The following RBM39 variants were observed in gnomAD, a reference collection of about 807,000 sequenced individuals.
The protein encoded by RBM39 is RNA-binding protein 39.
In RBM39, 12 loss-of-function variants were observed where a neutral mutation model predicts 79.6. The ratio of observed to expected loss-of-function variants is 0.15; its 90% CI spans 0.10 to 0.24. The LOEUF is 0.24. Ranked by LOEUF, RBM39 falls within the 10% of genes least tolerant of loss-of-function variation. The pLI is 1.00. For missense variants in RBM39, 243 were observed against 653.4 expected (o/e 0.37, Z 6.85); for synonymous variants, 185 against 208.4 (o/e 0.89, Z 0.97).
Position 35,725,117 on chromosome 20 carries a change from G to C in RBM39, c.455C>G (p.Ala152Gly). 1 of 1,611,074 alleles carries C rather than the reference G, an allele frequency of 6.2e-7. No homozygotes were observed. The highest frequency in any genetic ancestry group is 1.3e-5 in the African/African-American group (1 of 74,950). Residue 152 changes from alanine (A) to glycine (G), a missense_variant, in exon 7 of 17, where the codon GCA becomes GGA. By Grantham distance (60) the Ala-to-Gly change is moderately conservative (BLOSUM62 0). Coordinates refer to ENST00000253363, the MANE Select transcript of RBM39 (RefSeq NM_184234.3). ...IDNLTPEERD[A>G]RTVFCMQLAA... ...CAGCTGCATACAGAAGACTGTCCTT[G>C]CATCTCTTTCCTCAGGAGTTAAATT...
At chr20:35,706,124 A>G (rs1424313863) in intron 14 of RBM39, among the ~76,000 whole-genome samples, 1 of 152,204 alleles carries the variant, frequency 6.6e-6, no homozygotes, top group Non-Finnish European at 1.5e-5. Flanking sequence ...AGATCACTTA[A>G]GGTCAGGAGT....
intron 4 of RBM39, 75 bp from the exon 5 acceptor site, chr20:35,729,602 C>A (rs949113586): frequency 9.2e-6 from 12 of 1,304,170 alleles, no homozygotes; most frequent in Non-Finnish European, 1.3e-5. Flanking sequence ...CGCTCTCCAG[C>A]AAGACTAACA....
chr20:35,741,264 C>G (rs1033955645), intron 1 of RBM39, among the ~76,000 whole-genome samples: 5 of 151,532 alleles, frequency 3.3e-5, no homozygotes, highest in Non-Finnish European at 7.4e-5. Context: ...GAACTCCTAA[C>G]CTCAAGTGAT....
intron 3 of RBM39, among the ~76,000 whole-genome samples, chr20:35,733,815 C>T (rs940497200): frequency 1.3e-5 from 2 of 152,122 alleles, no homozygotes; most frequent in Non-Finnish European, 1.5e-5. Context: ...TTTAAAATCT[C>T]TAACTAAAAA....
At position 35,713,056 on chromosome 20, in the gene RBM39, T is replaced by A. The variant is rs1355954032; in HGVS notation, c.1137A>T (p.Leu379=). 6.2e-7 allele frequency: 1 copy of A among 1,613,794 alleles called. No individual in the cohort carries two copies. The highest frequency in any genetic ancestry group is 8.5e-7 in the Non-Finnish European group (1 of 1,179,834). The change falls in exon 12 of 17, where the codon CTA becomes CTT. Residue 379 remains leucine, a synonymous_variant. Transcript: ENST00000253363. ...LQIPPAAQQA[L]QMSGSLAFGA... ...CAAATGCCAAAGAGCCACTCATCTG[T>A]AGAGCTTGCTGTGCTGCTGGCGGAA...
chr20:35,705,191 A>G (rs1300710634), intron 15 of RBM39, 34 bp downstream of exon 15: 1 of 1,271,240 alleles, frequency 7.9e-7, no homozygotes, highest in Non-Finnish European at 1.1e-6. Flanking sequence ...GAGACGAACA[A>G]CCTAACATCA....
intron 6 of RBM39, among the ~76,000 whole-genome samples, chr20:35,729,076 AAAATAAATAAATAAAT>A (rs11470400): frequency 6.7e-6 from 1 of 150,022 alleles, no homozygotes; most frequent in Non-Finnish European, 1.5e-5. Context: ...ACTCCGTCTC[AAAATAAATAAATAAAT>A]AAATAAATAA....
rs370964431 is a variant in RBM39 at position 35,701,874 on chromosome 20, C to T, written c.*2607G>A. The T allele has an allele frequency of 6.6e-6, 1 of 151,806 alleles. No individual in the cohort carries two copies. Among genetic ancestry groups the T allele is most frequent in the Admixed American group, 6.6e-5 (1 of 15,262 alleles). The allele number at this position is 151,806 out of a possible 1,614,324, so 9.4% of individuals were successfully genotyped here. ...GCCTCCCAGTGTTCACATATACAGG[C>T]ATAAGGCACCACGTCCAGCCCGAGG... On this transcript the variant is annotated 3_prime_UTR_variant, in exon 17 of 17. Transcript: ENST00000253363.
intron 3 of RBM39, among the ~76,000 whole-genome samples, chr20:35,737,272 C>T (rs1397746426): frequency 6.6e-6 from 1 of 151,970 alleles, no homozygotes; most frequent in East Asian, 2.0e-4. Context: ...CACCTGTAAT[C>T]CCAGCTGCTC....
In RBM39 at chr20:35,714,259, C is replaced by T; in HGVS notation, c.1022G>A (p.Ser341Asn). The change falls in exon 11 of 17, where the codon AGT (serine) becomes AAT (asparagine). Residue 341 changes from serine (S) to asparagine (N), a missense_variant. By Grantham distance (46) the Ser-to-Asn change is conservative (BLOSUM62 1). Around this residue, in one of 4 missense-constraint regions of RBM39, gnomAD observed 61 missense variants for 322.9 expected, o/e 0.19. Coordinates refer to ENST00000253363, the MANE Select transcript of RBM39 (RefSeq NM_184234.3). ...AATTCCAGTCCTTTCCAGTTCATCA[C>T]TGTCCAAAAATGAACTAGCACTCGA... ...DASSASSFLDSDELERTGIDL... is the reference protein window; with the variant it reads ...DASSASSFLDNDELERTGIDL... The T allele has an allele frequency of 6.2e-7, 1 of 1,614,060 alleles. No homozygotes were observed. The highest frequency in any genetic ancestry group is 8.5e-7 in the Non-Finnish European group (1 of 1,179,964).
At chr20:35,732,413 G>A (rs566645667) in intron 3 of RBM39, 10 of 406,800 alleles carry the variant, frequency 2.5e-5, no homozygotes, top group East Asian at 1.5e-4. Context: ...AAAATTAGCC[G>A]GGCATAGTAC....
intron 4 of RBM39, 87 bp from the exon 5 acceptor site, chr20:35,729,614 TGTTTA>T: frequency 2.5e-6 from 3 of 1,187,832 alleles, no homozygotes; most frequent in Non-Finnish European, 3.7e-6. Flanking sequence ...AGACTAACAT[TGTTTA>T]GGCTACTGCT....
At chr20:35,729,967 T>C (rs772068940) in intron 4 of RBM39, among the ~76,000 whole-genome samples, 8 of 152,198 alleles carry the variant, frequency 5.3e-5, no homozygotes, top group Admixed American at 2.6e-4. Context: ...TGGGAATCTA[T>C]GTGTGTACAT....
intron 3 of RBM39, chr20:35,736,649 GAC>G (rs745782613): frequency 1.5e-5 from 7 of 460,286 alleles, no homozygotes; most frequent in African/African-American, 4.1e-5. Context: ...TCGTAAGTAT[GAC>G]AGATTTTTAT....
At chr20:35,727,927 G>A (rs962094230) in intron 6 of RBM39, among the ~76,000 whole-genome samples, 1 of 152,020 alleles carries the variant, frequency 6.6e-6, no homozygotes, top group Non-Finnish European at 1.5e-5. Context: ...GGGATTACAG[G>A]CGTGAGCCAC....
intron 8 of RBM39, among the ~76,000 whole-genome samples, chr20:35,722,700 G>A (rs1044689765): frequency 6.6e-6 from 1 of 151,890 alleles, no homozygotes; most frequent in East Asian, 1.9e-4. Context: ...TTGGGAGGCC[G>A]AGGCGGACGG....
chr20:35,717,985 A>G (rs1265042458), intron 9 of RBM39, among the ~76,000 whole-genome samples: 3 of 151,802 alleles, frequency 2.0e-5, no homozygotes, highest in African/African-American at 4.9e-5. Context: ...CAGCCTCCCA[A>G]GTAGCTGGGA....
chr20:35,734,281 T>C (rs996980747), intron 3 of RBM39: 1 of 1,254,186 alleles, frequency 8.0e-7, no homozygotes, highest in African/African-American at 1.5e-5. Flanking sequence ...ATAATCCACC[T>C]GACTGTCAGA....
chr20:35,739,321 A>G (rs1207969196), intron 2 of RBM39: 1 of 460,890 alleles, frequency 2.2e-6, no homozygotes, highest in Non-Finnish European at 4.3e-6. Context: ...AAGTGGTTAA[A>G]TATAATTTCC....
Sources: gnomAD v4.1 joint callset for allele counts (sites outside exome capture counted in the v4.1 genomes callset) on GRCh38, gnomAD v4.1.1 for gene constraint, gnomAD v4.1.1 regional missense constraint, MANE v1.5 for transcripts, NCBI Gene and HGNC (gene_info 2026-07-23, HGNC 2026-07-21) for gene names.